SNAP29: variants seen among roughly 807,000 people sequenced by gnomAD.
SNAP29 encodes synaptosome associated protein 29.
In SNAP29, 13 loss-of-function variants were observed where a neutral mutation model predicts 27.9. The observed-to-expected ratio is 0.47, with a 90% CI of 0.30 to 0.74. The LOEUF (loss-of-function observed/expected upper bound fraction) is 0.74, where lower values mean the gene tolerates loss of function less well. Among genes scored for constraint, SNAP29 ranks in the 30% least tolerant of loss-of-function variants. SNAP29 has a pLI of 0.06. For synonymous variants in SNAP29, 119 were observed against 127.1 expected, an observed-to-expected ratio of 0.94 and a Z score of 0.43; for missense variants, 368 against 336.5, an observed-to-expected ratio of 1.09 and a Z score of -0.73.
chr22:20,877,428 C>T (rs1255917529), intron 2 of SNAP29, among the ~76,000 whole-genome samples: 2 of 152,158 alleles, frequency 1.3e-5, no homozygotes, highest in African/African-American at 4.8e-5. Context: ...AGGTGGCACA[C>T]ACCTGTAATC....
At chr22:20,860,848 G>T (rs920734767) in intron 1 of SNAP29, among the ~76,000 whole-genome samples, 1 of 149,772 alleles carries the variant, frequency 6.7e-6, no homozygotes, top group East Asian at 1.9e-4. Flanking sequence ...AGGAGTTTGA[G>T]ACCAGCAGGG....
rs375076880 is a variant in SNAP29, at chr22:20,859,161, C to G, written c.51C>G (p.Asp17Glu). ...SYNPFDDDGEDEGARPAPWRD... is the reference protein window; with the variant it reads ...SYNPFDDDGEEEGARPAPWRD... ...ATCCGTTCGACGACGACGGGGAGGACGAAGGCGCCCGGCCGGCCCCTTGGA... is the reference window on the plus strand; with the variant it reads ...ATCCGTTCGACGACGACGGGGAGGAGGAAGGCGCCCGGCCGGCCCCTTGGA... The change falls in exon 1 of 5, where the codon GAC (aspartate) becomes GAG (glutamate). Residue 17 changes from aspartate (D) to glutamate (E), a missense_variant. Asp to Glu is a conservative substitution (Grantham distance 45). Transcript: ENST00000215730. The G allele has an allele frequency of 4.9e-5, 78 of 1,606,340 alleles. No individual in the cohort carries two copies. The African/African-American group carries it at 9.3e-4, about 19-fold the overall frequency.
chr22:20,870,962 AC>A (rs1928576918), intron 2 of SNAP29: 1 of 297,354 alleles, frequency 3.4e-6, no homozygotes, highest in African/African-American at 2.2e-5. Flanking sequence ...CATAGTGGGA[AC>A]CCAGTCTTTA....
At chr22:20,879,062 C>G (rs1928820001) in intron 2 of SNAP29, among the ~76,000 whole-genome samples, 1 of 152,180 alleles carries the variant, frequency 6.6e-6, no homozygotes, top group Non-Finnish European at 1.5e-5. Flanking sequence ...AATCCCAGCA[C>G]TTTGGGAGGC....
chr22:20,868,863 A>T (rs1928520703), intron 1 of SNAP29, among the ~76,000 whole-genome samples: 1 of 152,160 alleles, frequency 6.6e-6, no homozygotes, highest in Non-Finnish European at 1.5e-5. Flanking sequence ...TATATCCACA[A>T]CCAGAACCAT....
intron 2 of SNAP29, among the ~76,000 whole-genome samples, chr22:20,872,839 TTTTTTTTTG>T (rs1928628624): frequency 7.6e-6 from 1 of 131,844 alleles, no homozygotes; most frequent in African/African-American, 2.9e-5. Context: ...TTTTTTTTTT[TTTTTTTTTG>T]AGACAGAGTC....
At position 20,859,212 on chromosome 22, in the gene SNAP29, G is replaced by T. The variant is rs1318617563; in HGVS notation, c.102G>T (p.Gly34=). 4 of 1,602,820 alleles carry T rather than the reference G, an allele frequency of 2.5e-6. No individual in the cohort carries two copies. The African/African-American group carries it at 5.3e-5, about 21-fold the overall frequency. ...GGGACGCCCGAGACCTCCCCGACGGGCCCGACGCGCCCGCGGACAGGCAGC... is the reference window on the plus strand; with the variant it reads ...GGGACGCCCGAGACCTCCCCGACGGTCCCGACGCGCCCGCGGACAGGCAGC... ...PWRDARDLPD[G]PDAPADRQQY... is the part of the protein sequence containing the mutation. The change falls in exon 1 of 5, where the codon GGG becomes GGT. Residue 34 remains glycine (G), a synonymous_variant. Coordinates refer to ENST00000215730, the MANE Select transcript of SNAP29 (RefSeq NM_004782.4).
At chr22:20,871,344 A>C (rs1193326465) in intron 2 of SNAP29, among the ~76,000 whole-genome samples, 1 of 151,644 alleles carries the variant, frequency 6.6e-6, no homozygotes, top group East Asian at 1.9e-4. Context: ...TTAGCCAGAC[A>C]TGATGGCACG....
rs148156702 is a variant in SNAP29, at chr22:20,887,825, C to T, written c.766C>T (p.Arg256Ter). The part of the protein sequence containing the change: ...VNIKSTERKV[R>*]QL Reference sequence around the variant, plus strand: ...CATAAAAAGCACAGAAAGAAAAGTTCGACAACTCTGAAGACAGACGGATTT... The same window carrying T: ...CATAAAAAGCACAGAAAGAAAAGTTTGACAACTCTGAAGACAGACGGATTT... Residue 256 changes from arginine (R) to a stop codon, truncating the protein, a stop_gained, in exon 5 of 5, where the codon CGA becomes TGA. Coordinates refer to ENST00000215730, the MANE Select transcript of SNAP29 (RefSeq NM_004782.4). LOFTEE classifies it high-confidence loss of function. The T allele has an allele frequency of 2.9e-5, 46 of 1,613,964 alleles. No individual in the cohort carries two copies. In the East Asian group the frequency reaches 3.6e-4, roughly 13 times the overall value.
chr22:20,886,893 A>G (rs574729353), intron 4 of SNAP29, among the ~76,000 whole-genome samples: 2 of 151,936 alleles, frequency 1.3e-5, no homozygotes, highest in Non-Finnish European at 2.9e-5. Flanking sequence ...GATTACAGGC[A>G]TGAGCCATTG....
At position 20,890,393 on chromosome 22, in the gene SNAP29, G is replaced by A; in HGVS notation, c.*2557G>A. The A allele has an allele frequency of 2.5e-6, 1 of 398,592 alleles. No homozygotes were observed. Among genetic ancestry groups the A allele is most frequent in the Non-Finnish European group, 4.4e-6 (1 of 226,058 alleles). 24.7% of individuals were successfully genotyped at this position (398,592 alleles called of 1,614,324 possible). On this transcript the variant is annotated 3_prime_UTR_variant, in exon 5 of 5. Coordinates refer to ENST00000215730, the MANE Select transcript of SNAP29 (RefSeq NM_004782.4). ...GATTTTGATTTCCACAGTTGAGCTG[G>A]AAACAAACTGTGCCTTCAAAAAATG...
chr22:20,860,193 T>TAA (rs1928233028), intron 1 of SNAP29, among the ~76,000 whole-genome samples: 1 of 102,626 alleles, frequency 9.7e-6, no homozygotes, highest in African/African-American at 4.4e-5. Context: ...TCCACTAAAA[T>TAA]TAAAAAAAAA....
chr22:20,881,009 C>G, intron 2 of SNAP29, 40 bp from the exon 3 acceptor site: 1 of 1,387,058 alleles, frequency 7.2e-7, no homozygotes, highest in Non-Finnish European at 1.0e-6. Flanking sequence ...GGGGTTTTTC[C>G]TTTTTAAACG....
chr22:20,883,981 T>C (rs1928952923), intron 4 of SNAP29, among the ~76,000 whole-genome samples: 2 of 152,160 alleles, frequency 1.3e-5, no homozygotes, highest in African/African-American at 4.8e-5. Context: ...GAGTTAGTGC[T>C]CGTGTTGCAA....
intron 4 of SNAP29, among the ~76,000 whole-genome samples, chr22:20,885,598 G>A (rs1177675334): frequency 1.3e-5 from 2 of 152,222 alleles, no homozygotes; most frequent in African/African-American, 4.8e-5. Flanking sequence ...TGGCAGAAGT[G>A]GGAGAAGGGA....
intron 1 of SNAP29, among the ~76,000 whole-genome samples, chr22:20,860,356 G>A (rs1457484282): frequency 2.2e-5 from 3 of 138,624 alleles, no homozygotes; most frequent in Non-Finnish European, 4.6e-5. Context: ...GATCCTGGAG[G>A]GTCTTTTTCT....
chr22:20,887,958 A>G lies in SNAP29; in HGVS notation c.*122A>G. ...AATGTGTGTTTGCAAATGTTATAAT[A>G]GAGTAGGTCTTAAGACATTTTTGCT... On this transcript the variant is annotated 3_prime_UTR_variant, in exon 5 of 5. Coordinates refer to ENST00000215730, the MANE Select transcript of SNAP29 (RefSeq NM_004782.4). 3 of 1,001,214 alleles carry G rather than the reference A, an allele frequency of 3.0e-6. No individual in the cohort carries two copies. Among genetic ancestry groups the G allele is most frequent in the South Asian group, 1.4e-5 (1 of 72,104 alleles). The allele number at this position is 1,001,214 out of a possible 1,614,324, so 62.0% of individuals were successfully genotyped here.
At chr22:20,864,731 G>A (rs1171817678) in intron 1 of SNAP29, among the ~76,000 whole-genome samples, 1 of 152,284 alleles carries the variant, frequency 6.6e-6, no homozygotes, top group South Asian at 2.1e-4. Context: ...CTACCCCCAC[G>A]CTTCTCAGCA....
chr22:20,867,920 G>T (rs1928498123), intron 1 of SNAP29, among the ~76,000 whole-genome samples: 1 of 152,156 alleles, frequency 6.6e-6, no homozygotes, highest in Non-Finnish European at 1.5e-5. Flanking sequence ...GGAAGCTGAG[G>T]ACCTCCCTCC....
Sources: gnomAD v4.1 joint callset for allele counts (sites outside exome capture counted in the v4.1 genomes callset) on GRCh38, gnomAD v4.1.1 for gene constraint, MANE v1.5 for transcripts, NCBI Gene and HGNC (gene_info 2026-07-23, HGNC 2026-07-21) for gene names.